Variants in ZNF804B observed in about 807,000 individuals in gnomAD.
ZNF804B encodes zinc finger 804B.
Under a neutral mutation model 101.4 loss-of-function variants are expected in ZNF804B, and 80 were observed. The ratio of observed to expected loss-of-function variants is 0.79; its 90% CI spans 0.66 to 0.95. The LOEUF (loss-of-function observed/expected upper bound fraction) is 0.95, where lower values mean the gene tolerates loss of function less well. ZNF804B is among the 40% of genes least tolerant of loss of function. The pLI, the probability that ZNF804B is intolerant of heterozygous loss-of-function variation, is 0.00. For synonymous variants in ZNF804B, 622 were observed against 558.8 expected (o/e 1.11, Z -1.59); for missense variants, 1,673 against 1,561.9 (o/e 1.07, Z -1.20).
rs536552002 is a variant in ZNF804B at position 88,949,603 on chromosome 7, C to T, written c.108+189519C>T. ...AGTTTTTATCATATAGAAATTGCAG[C>T]TCTATTGACCAATTTATCTAAAAAT... On this transcript the variant is annotated intron_variant, in intron 1 of 3. Transcript: ENST00000333190. 3.3e-5 allele frequency among the ~76,000 whole-genome samples: 5 copies of T among 151,882 alleles called. No homozygotes were observed. The South Asian group carries it at 1.0e-3, about 32-fold the overall frequency.
At chr7:89,036,604 A>G (rs1788932129) in intron 1 of ZNF804B, among the ~76,000 whole-genome samples, 1 of 152,076 alleles carries the variant, frequency 6.6e-6, no homozygotes, top group Non-Finnish European at 1.5e-5. Context: ...TCTTTTATCA[A>G]CTCTATACAG....
At position 88,912,606 on chromosome 7, in the gene ZNF804B, A is replaced by T. The variant is rs186638598; in HGVS notation, c.108+152522A>T. ...TATAGAGTGAGATAAAGGCCAAAGC[A>T]TATTTATCTCCAAAGTTTATGTTTT... On this transcript the variant is annotated intron_variant, in intron 1 of 3. Transcript: ENST00000333190. Among the ~76,000 whole-genome samples the T allele has an allele frequency of 3.5e-3, 530 of 152,246 alleles. 2 individuals carry two copies. Among genetic ancestry groups the T allele is most frequent in the Middle Eastern group, 6.8e-3 (2 of 294 alleles).
At chr7:88,814,053 A>G (rs1282725055) in intron 1 of ZNF804B, among the ~76,000 whole-genome samples, 1 of 152,196 alleles carries the variant, frequency 6.6e-6, no homozygotes, top group Non-Finnish European at 1.5e-5. Context: ...AGAGAAATGT[A>G]TGCAGAATTG....
At chr7:88,942,359 T>C (rs1310456627) in intron 1 of ZNF804B, among the ~76,000 whole-genome samples, 4 of 151,970 alleles carry the variant, frequency 2.6e-5, no homozygotes, top group Non-Finnish European at 2.9e-5. Flanking sequence ...TTTCATAATA[T>C]GTATAAGAAC....
intron 1 of ZNF804B, among the ~76,000 whole-genome samples, chr7:89,059,839 G>T (rs1323533012): frequency 1.3e-5 from 2 of 152,072 alleles, no homozygotes; most frequent in Non-Finnish European, 2.9e-5. Flanking sequence ...GAGGATATTA[G>T]TGTGTGAGGT....
At chr7:89,328,172 C>T (rs1241253310) in intron 3 of ZNF804B, among the ~76,000 whole-genome samples, 2 of 151,796 alleles carry the variant, frequency 1.3e-5, no homozygotes, top group Non-Finnish European at 2.9e-5. Flanking sequence ...GAAACTTATG[C>T]CTCTGTGCCA....
At chr7:88,927,428 A>G (rs537725592) in intron 1 of ZNF804B, among the ~76,000 whole-genome samples, 5 of 152,298 alleles carry the variant, frequency 3.3e-5, no homozygotes, top group South Asian at 2.1e-4. Flanking sequence ...ATGAAGAGAA[A>G]CATCACTTAT....
chr7:88,804,209 A>G (rs1790650740), intron 1 of ZNF804B, among the ~76,000 whole-genome samples: 1 of 152,160 alleles, frequency 6.6e-6, no homozygotes, highest in Non-Finnish European at 1.5e-5. Context: ...CCACTCCTCC[A>G]CATTTGTCAG....
At chr7:88,941,867 G>A (rs1014071851) in intron 1 of ZNF804B, among the ~76,000 whole-genome samples, 1 of 151,914 alleles carries the variant, frequency 6.6e-6, no homozygotes, top group East Asian at 2.0e-4. Context: ...ACATTTCTGG[G>A]TTGTCAACTT....
intron 1 of ZNF804B, among the ~76,000 whole-genome samples, chr7:89,131,712 G>C (rs1476569258): frequency 1.3e-5 from 2 of 151,906 alleles, no homozygotes; most frequent in Non-Finnish European, 2.9e-5. Context: ...TTCTCAAAAT[G>C]TCTTAAATAA....
At chr7:89,005,138 A>T (rs1399825140) in intron 1 of ZNF804B, among the ~76,000 whole-genome samples, 2 of 152,020 alleles carry the variant, frequency 1.3e-5, no homozygotes, top group Non-Finnish European at 2.9e-5. Flanking sequence ...AAAACTCATC[A>T]CAAAACTGTT....
intron 1 of ZNF804B, among the ~76,000 whole-genome samples, chr7:89,038,922 C>A (rs1323256286): frequency 1.3e-5 from 2 of 152,070 alleles, no homozygotes; most frequent in African/African-American, 4.8e-5. Context: ...ACTGTCCTAT[C>A]TCCACCATGT....
At chr7:89,031,969 T>A (rs1271184126) in intron 1 of ZNF804B, among the ~76,000 whole-genome samples, 1 of 17,546 alleles carries the variant, frequency 5.7e-5, no homozygotes, top group Non-Finnish European at 2.0e-4. Context: ...TGCAATAGGT[T>A]TTTTTTTTTC....
chr7:88,924,394 T>C (rs1053244357), intron 1 of ZNF804B, among the ~76,000 whole-genome samples: 5 of 152,158 alleles, frequency 3.3e-5, no homozygotes, highest in African/African-American at 1.2e-4. Flanking sequence ...TTCCTGTTCT[T>C]ATACTTTAGT....
rs1792599498 is a variant in ZNF804B at position 88,914,334 on chromosome 7, C to T, written c.108+154250C>T. Among the ~76,000 whole-genome samples, 3 of 152,092 alleles carry T rather than the reference C, an allele frequency of 2.0e-5. No individual in the cohort carries two copies. In the South Asian group the frequency reaches 6.2e-4, roughly 32 times the overall value. On this transcript the variant is annotated intron_variant, in intron 1 of 3. Transcript: ENST00000333190. ...GCCGATAGGGTCCATGTTTGGCGTG[C>T]TCTCTCCTGCTCCTTCATTTGTTTT...
intron 1 of ZNF804B, among the ~76,000 whole-genome samples, chr7:89,194,722 A>G (rs1307206652): frequency 1.3e-5 from 2 of 148,186 alleles, no homozygotes; most frequent in South Asian, 2.2e-4. Flanking sequence ...GTAGCCTTGT[A>G]GTATAGTTTG....
intron 1 of ZNF804B, among the ~76,000 whole-genome samples, chr7:89,005,305 G>A (rs1178487654): frequency 3.3e-5 from 5 of 151,974 alleles, no homozygotes; most frequent in Admixed American, 1.3e-4. Context: ...AGGCTTTTTA[G>A]GCTACATAGC....
rs759768568 is a variant in ZNF804B, at chr7:89,335,800, C to A, written c.2818C>A (p.Gln940Lys). The A allele has an allele frequency of 3.1e-6, 5 of 1,614,008 alleles. No individual in the cohort carries two copies. Among genetic ancestry groups the A allele is most frequent in the African/African-American group, 2.7e-5 (2 of 75,000 alleles). ...AGTACAAGCCAAGAAATGTCAAGAACAATCAAGTAATGTTGAGATCTCTTC... is the reference window on the plus strand; with the variant it reads ...AGTACAAGCCAAGAAATGTCAAGAAAAATCAAGTAATGTTGAGATCTCTTC... ...ERVQAKKCQE[Q>K]SSNVEISSNS... Residue 940 changes from glutamine (Q) to lysine (K), a missense_variant, in exon 4 of 4, where the codon CAA becomes AAA. Physicochemically the swap from Gln to Lys is moderately conservative, Grantham distance 53 (BLOSUM62 1). Coordinates refer to ENST00000333190, the MANE Select transcript of ZNF804B (RefSeq NM_181646.5).
intron 2 of ZNF804B, among the ~76,000 whole-genome samples, chr7:89,269,612 AGTTC>A (rs1789852462): frequency 6.6e-6 from 1 of 152,098 alleles, no homozygotes; most frequent in South Asian, 2.1e-4. Context: ...TGGTATTTCT[AGTTC>A]TAGGTCCATG....
Sources: allele counts gnomAD v4.1 joint callset (sites outside exome capture counted in the v4.1 genomes callset), GRCh38; gene constraint gnomAD v4.1.1; transcripts MANE v1.5; gene names NCBI Gene and HGNC (gene_info 2026-07-23, HGNC 2026-07-21).